Variants in KATNIP observed in about 807,000 individuals in gnomAD.
KATNIP encodes katanin interacting protein.
A neutral mutation model predicts 174.0 loss-of-function variants in KATNIP; 126 were observed. The ratio of observed to expected loss-of-function variants is 0.72; its 90% CI spans 0.63 to 0.84. The LOEUF (loss-of-function observed/expected upper bound fraction) is 0.84. Ranked by LOEUF, KATNIP falls within the 40% of genes least tolerant of loss-of-function variation. The pLI, the probability that KATNIP is intolerant of heterozygous loss-of-function variation, is 0.00. For missense variants in KATNIP, 1,958 were observed against 2,109.7 expected, an observed-to-expected ratio of 0.93 and a Z score of 1.41; for synonymous variants, 810 against 835.7, an observed-to-expected ratio of 0.97 and a Z score of 0.53.
At chr16:27,550,249 G>T in intron 1 of KATNIP, 72 bp downstream of exon 1, 1 of 1,554,640 alleles carries the variant, frequency 6.4e-7, no homozygotes, top group South Asian at 1.2e-5. Context: ...GCTTTGGGCA[G>T]AATCCTAGGC....
chr16:27,592,021 A>G (rs1441950291), intron 2 of KATNIP, among the ~76,000 whole-genome samples: 1 of 152,138 alleles, frequency 6.6e-6, no homozygotes, highest in Non-Finnish European at 1.5e-5. Flanking sequence ...TCATCCGCCA[A>G]CATAATAAAC....
At chr16:27,657,368 A>G (rs1297616749) in intron 6 of KATNIP, among the ~76,000 whole-genome samples, 1 of 152,168 alleles carries the variant, frequency 6.6e-6, no homozygotes, top group African/African-American at 2.4e-5. Flanking sequence ...TTCAAAATAG[A>G]AAAAGCTAGC....
At chr16:27,736,828 CAG>C (rs1351110967) in intron 14 of KATNIP, among the ~76,000 whole-genome samples, 2 of 152,092 alleles carry the variant, frequency 1.3e-5, no homozygotes, top group Non-Finnish European at 2.9e-5. Context: ...AGAGTGGAGG[CAG>C]AGAGACCAAC....
Position 27,773,123 on chromosome 16 carries a change from C to T in KATNIP, c.4223C>T (p.Thr1408Ile), listed in dbSNP as rs1241021868. The T allele has an allele frequency of 2.5e-6, 4 of 1,610,858 alleles. No homozygotes were observed. The highest frequency in any genetic ancestry group is 3.4e-6 in the Non-Finnish European group (4 of 1,178,472). The change falls in exon 23 of 28, where the codon ACC becomes ATC. Residue 1408 changes from threonine (T) to isoleucine (I), a missense_variant. Physicochemically the swap from Thr to Ile is moderately conservative, Grantham distance 89 (BLOSUM62 -1). This residue lies in a region of KATNIP where 383 missense variants were observed against 456.0 expected (regional missense o/e 0.84). Coordinates refer to ENST00000261588, the MANE Select transcript of KATNIP (RefSeq NM_015202.5). ...GTCATTTTCCAGTTTCAGCTTCTCA[C>T]CAGCTGGGGCGACCCCTACTACATC... ...CGFIFQFQLLTSWGDPYYIGL... is the reference protein window; with the variant it reads ...CGFIFQFQLLISWGDPYYIGL...
At chr16:27,709,833 A>G (rs1187070638) in intron 13 of KATNIP, among the ~76,000 whole-genome samples, 1 of 152,118 alleles carries the variant, frequency 6.6e-6, no homozygotes, top group Non-Finnish European at 1.5e-5. Context: ...CACAGTCACC[A>G]TCAAACACTG....
chr16:27,628,609 C>A, intron 3 of KATNIP, 52 bp from the exon 4 acceptor site: 1 of 1,583,938 alleles, frequency 6.3e-7, no homozygotes, highest in Non-Finnish European at 8.6e-7. Flanking sequence ...GGGGGTACAG[C>A]AGCCCAGACT....
chr16:27,568,971 A>G (rs1489110918), intron 1 of KATNIP, among the ~76,000 whole-genome samples: 1 of 152,198 alleles, frequency 6.6e-6, no homozygotes, highest in Admixed American at 6.5e-5. Context: ...TCCCACCTGA[A>G]GAGGATAAAT....
intron 13 of KATNIP, among the ~76,000 whole-genome samples, chr16:27,712,937 C>T (rs758633205): frequency 1.1e-4 from 16 of 152,122 alleles, no homozygotes; most frequent in Non-Finnish European, 2.2e-4. Context: ...TCTCAAGAAG[C>T]TGGAACTACA....
At chr16:27,756,086 T>A (rs2143921049) in intron 18 of KATNIP, among the ~76,000 whole-genome samples, 1 of 152,264 alleles carries the variant, frequency 6.6e-6, no homozygotes, top group Non-Finnish European at 1.5e-5. Flanking sequence ...AGCAGTGCCC[T>A]AAGTGAGCTC....
chr16:27,628,381 T>C (rs2076390605), intron 3 of KATNIP, among the ~76,000 whole-genome samples: 1 of 152,258 alleles, frequency 6.6e-6, no homozygotes, highest in South Asian at 2.1e-4. Flanking sequence ...GCACGGGGCA[T>C]GAACTGGGTG....
At chr16:27,560,544 G>A (rs2089838825) in intron 1 of KATNIP, among the ~76,000 whole-genome samples, 1 of 152,116 alleles carries the variant, frequency 6.6e-6, no homozygotes, top group African/African-American at 2.4e-5. Flanking sequence ...ATGCCAGCCC[G>A]AGACACTTGG....
intron 14 of KATNIP, among the ~76,000 whole-genome samples, chr16:27,731,384 G>A (rs2080676061): frequency 1.3e-5 from 2 of 152,326 alleles, no homozygotes; most frequent in Middle Eastern, 3.4e-3. Flanking sequence ...AGTACATTAG[G>A]TACAAGACAT....
In KATNIP at chr16:27,552,788, G is replaced by A. The variant is rs2089445937; in HGVS notation, c.7+2611G>A. ...CGGCTCACCGCAACCTCCGCCTCCC[G>A]GGTTCAAGCGATTCTCCTGCCTCAG... On this transcript the variant is annotated intron_variant, in intron 1 of 27. Transcript: ENST00000261588. Among the ~76,000 whole-genome samples the A allele has an allele frequency of 2.7e-5, 4 of 146,276 alleles. No individual in the cohort carries two copies. The South Asian group carries it at 9.0e-4, about 33-fold the overall frequency.
intron 5 of KATNIP, among the ~76,000 whole-genome samples, chr16:27,645,277 C>T (rs1247730999): frequency 1.3e-5 from 2 of 152,216 alleles, no homozygotes; most frequent in Non-Finnish European, 2.9e-5. Context: ...TGCGTCACTG[C>T]GTGTCATCTT....
rs1486270332 is a variant in KATNIP, at chr16:27,617,055, T to C, written c.64-1370T>C. On this transcript the variant is annotated intron_variant, in intron 2 of 27. Transcript: ENST00000261588. ...GCAGTTTTACTGGTACATGCATATA[T>C]CACTTTAAATATATGTAGTTTATTA... Among the ~76,000 whole-genome samples, 5 of 152,130 alleles carry C rather than the reference T, an allele frequency of 3.3e-5. No homozygotes were observed. The East Asian group carries it at 9.6e-4, about 29-fold the overall frequency.
At chr16:27,606,498 CAG>C (rs1464848131) in intron 2 of KATNIP, among the ~76,000 whole-genome samples, 1 of 151,684 alleles carries the variant, frequency 6.6e-6, no homozygotes, top group Non-Finnish European at 1.5e-5. Flanking sequence ...CACACACACA[CAG>C]ACACACACAC....
rs2077723740 is a variant in KATNIP at position 27,667,400 on chromosome 16, AGCCTTCATG to A, written c.541-10327_541-10319del. On this transcript the variant is annotated intron_variant, in intron 6 of 27. Transcript: ENST00000261588. ...ACTAACTCTTCAGTGCTGGGTAAAA[AGCCTTCATG>A]GTCCAGGCAGATTAATAATATGAAT... 2.0e-5 allele frequency among the ~76,000 whole-genome samples: 3 copies of A among 152,342 alleles called. No homozygotes were observed. In the South Asian group the frequency reaches 6.2e-4, roughly 32 times the overall value.
chr16:27,577,926 T>A (rs904477931), intron 2 of KATNIP, among the ~76,000 whole-genome samples: 13 of 152,124 alleles, frequency 8.5e-5, no homozygotes, highest in Non-Finnish European at 2.9e-5. Flanking sequence ...GATTATAACG[T>A]GTAGCAGTTT....
At chr16:27,757,629 TCTC>T in intron 18 of KATNIP, 2 of 576,150 alleles carry the variant, frequency 3.5e-6, no homozygotes, top group Non-Finnish European at 4.4e-6. Flanking sequence ...TAATTTCTCT[TCTC>T]TTCTCAGTAG....
Sources: gnomAD v4.1 joint callset for allele counts (sites outside exome capture counted in the v4.1 genomes callset) on GRCh38, gnomAD v4.1.1 for gene constraint, gnomAD v4.1.1 regional missense constraint, MANE v1.5 for transcripts, NCBI Gene and HGNC (gene_info 2026-07-23, HGNC 2026-07-21) for gene names.